STXBP4: variants seen among roughly 807,000 people sequenced by gnomAD.
STXBP4 encodes the protein syntaxin binding protein 4.
Under a neutral mutation model 76.1 loss-of-function variants are expected in STXBP4, and 55 were observed. The ratio of observed to expected loss-of-function variants is 0.72; its 90% CI spans 0.58 to 0.91. The LOEUF (loss-of-function observed/expected upper bound fraction) is 0.91, where lower values mean the gene tolerates loss of function less well. STXBP4 is among the 40% of genes least tolerant of loss of function. STXBP4 has a pLI of 0.00. For missense variants in STXBP4, 618 were observed against 636.9 expected (o/e 0.97, Z 0.32); for synonymous variants, 201 against 220.2 (o/e 0.91, Z 0.77).
intron 12 of STXBP4, among the ~76,000 whole-genome samples, chr17:55,071,852 T>C (rs1433864891): frequency 6.6e-6 from 1 of 152,170 alleles, no homozygotes; most frequent in African/African-American, 2.4e-5. Flanking sequence ...ATATTAGCCA[T>C]GGCAATTGGA....
intron 16 of STXBP4, among the ~76,000 whole-genome samples, chr17:55,113,260 CACGA>C (rs1374200490): frequency 6.9e-6 from 1 of 145,034 alleles, no homozygotes; most frequent in African/African-American, 2.5e-5. Context: ...CACACACACA[CACGA>C]GGTAGCTATA....
At chr17:55,175,032 C>A (rs73992659), downstream of STXBP4, among the ~76,000 whole-genome samples, 706 of 150,772 alleles carry the variant, frequency 4.7e-3, 12 homozygotes, top group African/African-American at 0.016. Flanking sequence ...AAAAAAAAAA[C>A]AAACAAAACA....
chr17:55,032,837 G>A, intron 9 of STXBP4, among the ~76,000 whole-genome samples: 1 of 152,106 alleles, frequency 6.6e-6, no homozygotes, highest in East Asian at 1.9e-4. Context: ...TGAAGAAGCT[G>A]AACAGAAATG....
At chr17:55,176,885 T>A (rs1042170190), downstream of STXBP4, among the ~76,000 whole-genome samples, 4 of 152,106 alleles carry the variant, frequency 2.6e-5, no homozygotes, top group Non-Finnish European at 5.9e-5. Context: ...TATTTCCTGG[T>A]TTTGGGGCCT....
At chr17:55,044,856 T>C (rs1229448867) in intron 11 of STXBP4, 1 of 152,060 alleles carries the variant, frequency 6.6e-6, no homozygotes, top group African/African-American at 2.4e-5. Flanking sequence ...CTTCTTTTTT[T>C]TTCTCTCTCT....
At chr17:55,176,452 C>T (rs186118635), downstream of STXBP4, among the ~76,000 whole-genome samples, 18 of 152,266 alleles carry the variant, frequency 1.2e-4, no homozygotes, top group East Asian at 3.3e-3. Flanking sequence ...CAGAGCACAT[C>T]TTCAGGTGGG....
chr17:54,990,687 T>G, intron 3 of STXBP4, 138 bp from the exon 4 acceptor site: 1 of 1,014,400 alleles, frequency 9.9e-7, no homozygotes, highest in East Asian at 3.0e-5. Context: ...TTGTCTTCCA[T>G]GAAACAAGTC....
At chr17:55,114,217 A>T (rs924494462) in intron 16 of STXBP4, among the ~76,000 whole-genome samples, 1 of 152,016 alleles carries the variant, frequency 6.6e-6, no homozygotes, top group Admixed American at 6.6e-5. Flanking sequence ...ATTGTTTACA[A>T]ATATAATCTG....
At position 55,170,322 on chromosome 17, in the gene STXBP4, T is replaced by G. The variant is rs868150585; in HGVS notation, c.*10411T>G. ...CATGATAGAAAATGTTTACTAATGTTTAATGATACCAAGAAAGTATCACAA... is the reference window on the plus strand; with the variant it reads ...CATGATAGAAAATGTTTACTAATGTGTAATGATACCAAGAAAGTATCACAA... On this transcript the variant is annotated 3_prime_UTR_variant, in exon 18 of 18. Coordinates refer to ENST00000376352, the MANE Select transcript of STXBP4 (RefSeq NM_178509.6). 3.9e-5 allele frequency: 6 copies of G among 152,306 alleles called. No individual in the cohort carries two copies. In the Middle Eastern group the frequency reaches 0.01, roughly 259 times the overall value. 9.4% of individuals were successfully genotyped at this position (152,306 alleles called of 1,614,324 possible). A position where few individuals can be genotyped will look rare whatever the true frequency, so the allele number is the denominator to read the frequency against.
intron 13 of STXBP4, among the ~76,000 whole-genome samples, chr17:55,074,742 C>G (rs117597144): frequency 6.6e-6 from 1 of 151,976 alleles, no homozygotes; most frequent in Admixed American, 6.5e-5. Flanking sequence ...TTATCATAAT[C>G]GGGTTCTCAT....
chr17:55,192,320 C>G, the STXBP4 span, among the ~76,000 whole-genome samples: 1 of 152,250 alleles, frequency 6.6e-6, no homozygotes, highest in South Asian at 2.1e-4. Flanking sequence ...CACAGCAGAC[C>G]TCTCAATGGA....
At chr17:55,101,853 T>C (rs2079570188) in intron 16 of STXBP4, among the ~76,000 whole-genome samples, 1 of 152,240 alleles carries the variant, frequency 6.6e-6, no homozygotes, top group Non-Finnish European at 1.5e-5. Flanking sequence ...GTTTGAGACA[T>C]GTTCAGAGTT....
Position 55,072,949 on chromosome 17 carries a change from A to T in STXBP4, c.1061A>T (p.His354Leu). 1 of 1,613,868 alleles carries T rather than the reference A, an allele frequency of 6.2e-7. No homozygotes were observed. Among genetic ancestry groups the T allele is most frequent in the Admixed American group, 1.7e-5 (1 of 59,988 alleles). Residue 354 changes from histidine (H) to leucine (L), a missense_variant, in exon 13 of 18, where the codon CAT becomes CTT. Physicochemically the swap from His to Leu is moderately conservative, Grantham distance 99 (BLOSUM62 -3). Coordinates refer to ENST00000376352, the MANE Select transcript of STXBP4 (RefSeq NM_178509.6). ...EETRALRSRIHLAEAAQRQAH... is the reference protein window; with the variant it reads ...EETRALRSRILLAEAAQRQAH... Reference sequence around the variant, plus strand: ...ACAAGAGCCCTGCGTAGTCGGATTCATCTTGCTGAAGCTGCTCAGAGACAG... The same window carrying T: ...ACAAGAGCCCTGCGTAGTCGGATTCTTCTTGCTGAAGCTGCTCAGAGACAG...
chr17:55,208,487 A>G, the STXBP4 span, among the ~76,000 whole-genome samples: 1 of 151,552 alleles, frequency 6.6e-6, no homozygotes. Flanking sequence ...GTGAAAAATC[A>G]GTACTGTTAT....
At chr17:55,116,625 A>C (rs1008256192) in intron 16 of STXBP4, among the ~76,000 whole-genome samples, 4 of 148,468 alleles carry the variant, frequency 2.7e-5, no homozygotes, top group African/African-American at 5.0e-5. Flanking sequence ...TAACGTGTTA[A>C]GACTGTGAAG....
the STXBP4 span, among the ~76,000 whole-genome samples, chr17:55,185,284 TCTCCTTCTCCTTCTCCTTCTCCTTCTC>T: frequency 1.2e-5 from 1 of 85,348 alleles, no homozygotes; most frequent in African/African-American, 4.6e-5. Flanking sequence ...TCCTTCTCCT[TCTCCTTCTCCTTCTCCTTCTCCTTCTC>T]CTTCTCCTTC....
chr17:55,035,176 A>C (rs904406194), intron 10 of STXBP4, among the ~76,000 whole-genome samples: 5 of 151,784 alleles, frequency 3.3e-5, no homozygotes, highest in African/African-American at 1.2e-4. Context: ...AATGTTTCTT[A>C]CCTTAAAATC....
chr17:55,146,528 G>A (rs549877741), intron 17 of STXBP4, among the ~76,000 whole-genome samples: 23 of 152,080 alleles, frequency 1.5e-4, no homozygotes, highest in East Asian at 7.8e-4. Flanking sequence ...TGGCTAACAC[G>A]GTGAAACCCT....
At chr17:55,208,727 G>A in the STXBP4 span, among the ~76,000 whole-genome samples, 4 of 152,272 alleles carry the variant, frequency 2.6e-5, no homozygotes, top group Middle Eastern at 3.4e-3. Flanking sequence ...CAAGAATCTT[G>A]AAAATAAAAC....
Sources: allele counts gnomAD v4.1 joint callset (sites outside exome capture counted in the v4.1 genomes callset), GRCh38; gene constraint gnomAD v4.1.1; transcripts MANE v1.5; gene names NCBI Gene and HGNC (gene_info 2026-07-23, HGNC 2026-07-21).